SDCCAG8: variants seen among roughly 807,000 people sequenced by gnomAD.
SDCCAG8 encodes the protein SHH signaling and ciliogenesis regulator SDCCAG8.
Under a neutral mutation model 101.8 loss-of-function variants are expected in SDCCAG8, and 74 were observed. The observed-to-expected ratio is 0.73, with a 90% CI of 0.60 to 0.88. SDCCAG8 has a LOEUF of 0.88. SDCCAG8 is among the 40% of genes least tolerant of loss of function. The probability of loss-of-function intolerance (pLI) is 0.00; values close to 1 mark genes in which losing one functional copy is unlikely to be tolerated. For synonymous variants in SDCCAG8, 281 were observed against 292.9 expected (o/e 0.96, Z 0.41); for missense variants, 787 against 822.6 (o/e 0.96, Z 0.53).
At chr1:243,490,872 T>TC (rs1666236275) in intron 17 of SDCCAG8, among the ~76,000 whole-genome samples, 2 of 152,120 alleles carry the variant, frequency 1.3e-5, no homozygotes, top group Non-Finnish European at 2.9e-5. Flanking sequence ...TGTGGGCAGG[T>TC]CCCCAGGGAG....
intron 17 of SDCCAG8, among the ~76,000 whole-genome samples, chr1:243,491,940 C>T (rs1353115570): frequency 6.6e-6 from 1 of 152,112 alleles, no homozygotes; most frequent in Non-Finnish European, 1.5e-5. Flanking sequence ...CATCTCTGTC[C>T]ACTTAATACC....
intron 13 of SDCCAG8, among the ~76,000 whole-genome samples, chr1:243,403,604 G>A (rs2079548767): frequency 6.6e-6 from 1 of 152,052 alleles, no homozygotes; most frequent in Non-Finnish European, 1.5e-5. Context: ...CCCAACTCGG[G>A]GTCACCTGAC....
chr1:243,445,067 C>T (rs2082803821), intron 16 of SDCCAG8, among the ~76,000 whole-genome samples: 1 of 152,084 alleles, frequency 6.6e-6, no homozygotes, highest in African/African-American at 2.4e-5. Flanking sequence ...GTCTACTTAT[C>T]TCAAGTAAAT....
chr1:243,324,841 C>T (rs574091325), intron 9 of SDCCAG8, among the ~76,000 whole-genome samples: 8 of 152,300 alleles, frequency 5.3e-5, no homozygotes, highest in African/African-American at 1.4e-4. Context: ...TCTTCTCTTT[C>T]ACTCTACTCT....
intron 13 of SDCCAG8, among the ~76,000 whole-genome samples, chr1:243,394,472 T>C (rs1386388463): frequency 6.6e-6 from 1 of 152,132 alleles, no homozygotes; most frequent in Non-Finnish European, 1.5e-5. Flanking sequence ...TATTTCCACA[T>C]CTGAAAGAAG....
intron 12 of SDCCAG8, chr1:243,346,173 G>A (rs974729221): frequency 6.5e-6 from 1 of 154,350 alleles, no homozygotes. Context: ...ATGATTTGGA[G>A]TAGCAAAGCA....
Position 243,270,106 on chromosome 1 carries a change from A to T in SDCCAG8, c.69A>T (p.Glu23Asp). Residue 23 changes from glutamate to aspartate, a missense_variant and splice_region_variant, in exon 2 of 18, where the codon GAA becomes GAT. By Grantham distance (45) the Glu-to-Asp change is conservative. Coordinates refer to ENST00000366541, the MANE Select transcript of SDCCAG8 (RefSeq NM_006642.5). ...ILGQYQRSLR[E>D]HASRSIHQLT... ...ACTTTCGTCAGGTTGTTCTTGCAGA[A>T]CATGCCAGCAGAAGCATTCACCAAC... 6.2e-7 allele frequency: 1 copy of T among 1,614,226 alleles called. No homozygotes were observed. The highest frequency in any genetic ancestry group is 8.5e-7 in the Non-Finnish European group (1 of 1,180,044).
intron 16 of SDCCAG8, among the ~76,000 whole-genome samples, chr1:243,445,547 G>A (rs1194760297): frequency 6.6e-6 from 1 of 152,186 alleles, no homozygotes; most frequent in African/African-American, 2.4e-5. Flanking sequence ...TAATTGGAAG[G>A]TCAAAAAATA....
At chr1:243,359,700 G>A (rs570610169) in intron 12 of SDCCAG8, among the ~76,000 whole-genome samples, 59 of 152,258 alleles carry the variant, frequency 3.9e-4, no homozygotes, top group African/African-American at 1.3e-3. Flanking sequence ...TTGTGTGTCC[G>A]GTACTCGGCA....
chr1:243,414,631 A>G (rs965350795), intron 13 of SDCCAG8, among the ~76,000 whole-genome samples: 1 of 152,202 alleles, frequency 6.6e-6, no homozygotes, highest in Admixed American at 6.5e-5. Context: ...TTGAAGTTCC[A>G]CAGCGGTACA....
intron 13 of SDCCAG8, among the ~76,000 whole-genome samples, chr1:243,404,335 G>A (rs2079609431): frequency 1.3e-5 from 2 of 152,278 alleles, no homozygotes; most frequent in Middle Eastern, 3.4e-3. Flanking sequence ...TGGTGAGGAC[G>A]AAGACTAAGA....
At chr1:243,367,526 T>C (rs1361835657) in intron 12 of SDCCAG8, among the ~76,000 whole-genome samples, 1 of 151,996 alleles carries the variant, frequency 6.6e-6, no homozygotes, top group Non-Finnish European at 1.5e-5. Flanking sequence ...TTTACACTGG[T>C]GACTTTCACC....
chr1:243,483,881 G>A lies in SDCCAG8; in HGVS notation c.1986-5133G>A, dbSNP rs1312279659. 3.9e-5 allele frequency among the ~76,000 whole-genome samples: 6 copies of A among 152,220 alleles called. No individual in the cohort carries two copies. The East Asian group carries it at 1.2e-3, about 29-fold the overall frequency. ...CCTCTCACTGCAGAAGAGCTTCTCA[G>A]CTAGGGGGGTCGTGCGGGCCCGGAG... On this transcript the variant is annotated intron_variant, in intron 16 of 17. Coordinates refer to ENST00000366541, the MANE Select transcript of SDCCAG8 (RefSeq NM_006642.5).
chr1:243,490,528 C>T (rs1050438532), intron 17 of SDCCAG8, among the ~76,000 whole-genome samples: 1 of 152,244 alleles, frequency 6.6e-6, no homozygotes, highest in African/African-American at 2.4e-5. Context: ...GGTTGTGTCA[C>T]TGTGCTGAAT....
intron 10 of SDCCAG8, 117 bp from the exon 11 acceptor site, chr1:243,340,922 C>A: frequency 9.5e-7 from 1 of 1,050,368 alleles, no homozygotes; most frequent in Non-Finnish European, 1.5e-6. Context: ...ACCCAATCCA[C>A]AGAGAAATGG....
chr1:243,367,540 G>T (rs1377817895), intron 12 of SDCCAG8, among the ~76,000 whole-genome samples: 1 of 151,898 alleles, frequency 6.6e-6, no homozygotes. Flanking sequence ...TTTCACCTCA[G>T]AAACAGTGGG....
At chr1:243,436,061 A>G (rs970295048) in intron 16 of SDCCAG8, among the ~76,000 whole-genome samples, 1 of 152,104 alleles carries the variant, frequency 6.6e-6, no homozygotes, top group Non-Finnish European at 1.5e-5. Flanking sequence ...GCCATAGTTT[A>G]CATTAGGGTT....
At chr1:243,447,248 CAAAAAAAAAAAAAAAAAA>C (rs397830130) in intron 16 of SDCCAG8, among the ~76,000 whole-genome samples, 1 of 41,380 alleles carries the variant, frequency 2.4e-5, no homozygotes, top group East Asian at 7.8e-4. Context: ...GACTTCGTCT[CAAAAAAAAAAAAAAAAAA>C]AAAAAAAAAA....
At chr1:243,302,917 A>G (rs1480948618) in intron 6 of SDCCAG8, among the ~76,000 whole-genome samples, 2 of 152,230 alleles carry the variant, frequency 1.3e-5, no homozygotes, top group Admixed American at 6.5e-5. Context: ...TTGTTGTAGA[A>G]AAAGCCATGA....
Sources: gnomAD v4.1 joint callset for allele counts (sites outside exome capture counted in the v4.1 genomes callset) on GRCh38, gnomAD v4.1.1 for gene constraint, MANE v1.5 for transcripts, NCBI Gene and HGNC (gene_info 2026-07-23, HGNC 2026-07-21) for gene names.